CLBA1: variants seen among roughly 807,000 people sequenced by gnomAD.
CLBA1 encodes uncharacterized protein CLBA1.
A neutral mutation model predicts 28.8 loss-of-function variants in CLBA1; 30 were observed. The observed-to-expected ratio is 1.04, with a 90% CI of 0.78 to 1.41. The LOEUF (loss-of-function observed/expected upper bound fraction) is 1.41. Ranked by LOEUF, CLBA1 falls within the 40% of genes most tolerant of loss-of-function variation. The pLI is 0.00. For synonymous variants in CLBA1, 160 were observed against 152.8 expected (o/e 1.05, Z -0.35); for missense variants, 451 against 412.3 (o/e 1.09, Z -0.81).
At chr14:105,001,260 C>T (rs1317199462) in intron 2 of CLBA1, among the ~76,000 whole-genome samples, 2 of 152,140 alleles carry the variant, frequency 1.3e-5, no homozygotes, top group Non-Finnish European at 2.9e-5. Context: ...CTTTGGGAGG[C>T]CAAGGCAAGA....
intron 2 of CLBA1, chr14:104,990,068 G>C (rs2140895973): frequency 5.1e-6 from 1 of 196,268 alleles, no homozygotes; most frequent in East Asian, 1.1e-4. Context: ...CATGATCCCT[G>C]GGGAAAAACT....
downstream of CLBA1, among the ~76,000 whole-genome samples, chr14:104,998,845 C>G (rs555295778): frequency 6.6e-6 from 1 of 152,374 alleles, no homozygotes; most frequent in South Asian, 2.1e-4. Flanking sequence ...GGAGCAGAGC[C>G]AGTGCAAACA....
At chr14:104,993,488 C>A (rs886693597) in intron 4 of CLBA1, 1 of 985,296 alleles carries the variant, frequency 1.0e-6, no homozygotes, top group Admixed American at 6.1e-5. Context: ...AGTCACGGGC[C>A]GCTTACCCTA....
At chr14:104,989,487 C>G in intron 2 of CLBA1, 1 of 427,374 alleles carries the variant, frequency 2.3e-6, no homozygotes, top group East Asian at 7.0e-5. Context: ...TTCTCAGCCA[C>G]AGAGTTCTAG....
At position 104,994,578 on chromosome 14, in the gene CLBA1, C is replaced by T. The variant is rs776247242; in HGVS notation, c.817-20C>T. On this transcript the variant is annotated intron_variant, in intron 4 of 4. Transcript: ENST00000547315. ...CATTGCCCGGGGTGCGCGCGCCTGA[C>T]TGCTGTCCTCTCATCTCAGCTCTCG... is the stretch of plus-strand genomic sequence containing the variant. 7 of 1,594,962 alleles carry T rather than the reference C, an allele frequency of 4.4e-6. No homozygotes were observed. The highest frequency in any genetic ancestry group is 2.2e-5 in the South Asian group (2 of 90,142).
At chr14:104,992,053 C>T (rs1267988968) in intron 3 of CLBA1, among the ~76,000 whole-genome samples, 2 of 146,160 alleles carry the variant, frequency 1.4e-5, no homozygotes, top group African/African-American at 2.5e-5. Flanking sequence ...CACGCCACCA[C>T]GCACACGCCG....
At chr14:104,991,096 C>T (rs1900006872) in intron 2 of CLBA1, 1 of 205,246 alleles carries the variant, frequency 4.9e-6, no homozygotes, top group East Asian at 1.5e-4. Context: ...GCGATCTCCG[C>T]TCCCTGCAAC....
intron 3 of CLBA1, among the ~76,000 whole-genome samples, chr14:104,991,939 A>ACCACGCACACGCCG (rs1316557541): frequency 3.3e-4 from 50 of 150,208 alleles, no homozygotes; most frequent in South Asian, 4.3e-4. Context: ...CGCACATGCC[A>ACCACGCACACGCCG]CCACGCACAC....
intron 3 of CLBA1, among the ~76,000 whole-genome samples, 169 bp downstream of exon 3, chr14:104,991,789 G>A (rs927462600): frequency 3.3e-5 from 5 of 152,154 alleles, no homozygotes; most frequent in East Asian, 1.9e-4. Context: ...GATGACTCCC[G>A]AATGCTTGAG....
At position 104,994,115 on chromosome 14, in the gene CLBA1, T is replaced by C. The variant is rs140818270; in HGVS notation, c.817-483T>C. 3.1e-4 allele frequency: 301 copies of C among 985,214 alleles called. 3 individuals are homozygous for C. In the South Asian group the frequency reaches 6.9e-3, roughly 22 times the overall value. The allele number at this position is 985,214 out of a possible 1,614,324, so 61.0% of individuals were successfully genotyped here. Reference sequence around the variant, plus strand: ...CCGTCTTCACAGGCTGTCCATCTTTTTGAAAAGCACCATAGCACAGGAGGG... The same window carrying C: ...CCGTCTTCACAGGCTGTCCATCTTTCTGAAAAGCACCATAGCACAGGAGGG... On this transcript the variant is annotated intron_variant, in intron 4 of 4. Transcript: ENST00000547315.
chr14:104,989,620 G>A lies in CLBA1; in HGVS notation c.569+532G>A, dbSNP rs1028059134. Reference sequence around the variant, plus strand: ...GTGCACCCGCAGTCACTCGCAGATGGCCATTTTCCAGGGACACACTTTCAA... The same window carrying A: ...GTGCACCCGCAGTCACTCGCAGATGACCATTTTCCAGGGACACACTTTCAA... On this transcript the variant is annotated intron_variant, in intron 2 of 4. Transcript: ENST00000547315. 8.8e-6 allele frequency: 4 copies of A among 456,140 alleles called. No homozygotes were observed. In the East Asian group the frequency reaches 2.8e-4, roughly 32 times the overall value. The allele number at this position is 456,140 out of a possible 1,614,324, so 28.3% of individuals were successfully genotyped here. A position where few individuals can be genotyped will look rare whatever the true frequency, so the allele number is the denominator to read the frequency against.
At chr14:104,988,342 T>C (rs933383508) in intron 1 of CLBA1, among the ~76,000 whole-genome samples, 1 of 151,156 alleles carries the variant, frequency 6.6e-6, no homozygotes, top group Non-Finnish European at 1.5e-5. Context: ...TTTCTTTTTT[T>C]TTTTTTTTGA....
At chr14:104,991,724 G>T in intron 3 of CLBA1, 104 bp downstream of exon 3, 1 of 1,382,970 alleles carries the variant, frequency 7.2e-7, no homozygotes, top group Non-Finnish European at 9.7e-7. Flanking sequence ...GCAGAGGTGT[G>T]GGTTCAGGTG....
downstream of CLBA1, among the ~76,000 whole-genome samples, chr14:104,995,753 C>A (rs1298012647): frequency 6.6e-6 from 1 of 152,246 alleles, no homozygotes; most frequent in Non-Finnish European, 1.5e-5. Flanking sequence ...CTGGCCTCGG[C>A]CACCCAGCTG....
In CLBA1 at chr14:104,993,079, A is replaced by G. The variant is rs1176752611; in HGVS notation, c.816+15A>G. The G allele has an allele frequency of 6.2e-7, 1 of 1,609,602 alleles. No homozygotes were observed. The highest frequency in any genetic ancestry group is 8.5e-7 in the Non-Finnish European group (1 of 1,177,470). On this transcript the variant is annotated intron_variant, in intron 4 of 4. Coordinates refer to ENST00000547315, the MANE Select transcript of CLBA1 (RefSeq NM_174891.4). The stretch of plus-strand genomic sequence containing the variant: ...TCCAGACCAAGGTGAGTGGTCACCA[A>G]GGAGAGGCCTCAGGGAACCGCGCTG...
intron 4 of CLBA1, chr14:104,994,112 T>C (rs1315582239): frequency 1.0e-6 from 1 of 985,088 alleles, no homozygotes. Flanking sequence ...GCTGTCCATC[T>C]TTTTGAAAAG....
In CLBA1 at chr14:104,994,737, T is replaced by C. The variant is rs774411315; in HGVS notation, c.956T>C (p.Leu319Pro). 5.6e-6 allele frequency: 9 copies of C among 1,602,224 alleles called. No individual in the cohort carries two copies. In the South Asian group the frequency reaches 7.8e-5, roughly 14 times the overall value. The change falls in exon 5 of 5, where the codon CTC (leucine) becomes CCC (proline). Residue 319 changes from leucine to proline, a missense_variant. Transcript: ENST00000547315. ...MFTPRKLKLT[L>P]FNSDVC ...ACTCCACGCAAGCTCAAACTGACAC[T>C]CTTTAATAGCGACGTTTGCTAAAAT...
At chr14:104,994,046 C>G in intron 4 of CLBA1, 1 of 984,966 alleles carries the variant, frequency 1.0e-6, no homozygotes, top group Non-Finnish European at 1.2e-6. Flanking sequence ...ACACAGGTGA[C>G]AGGCGACAGG....
chr14:104,994,190 C>T lies in CLBA1; in HGVS notation c.817-408C>T, dbSNP rs2140899575. 5 of 985,414 alleles carry T rather than the reference C, an allele frequency of 5.1e-6. No homozygotes were observed. The African/African-American group carries it at 8.7e-5, about 17-fold the overall frequency. The allele number at this position is 985,414 out of a possible 1,614,324, so 61.0% of individuals were successfully genotyped here. ...GAAATGTTCGTGGCTGTGTTGTTCA[C>T]AGCAGCCGGTGGGGGAGACGTCCAG... On this transcript the variant is annotated intron_variant, in intron 4 of 4. Transcript: ENST00000547315.
Sources: gnomAD v4.1 joint callset for allele counts (sites outside exome capture counted in the v4.1 genomes callset) on GRCh38, gnomAD v4.1.1 for gene constraint, MANE v1.5 for transcripts, NCBI Gene and HGNC (gene_info 2026-07-23, HGNC 2026-07-21) for gene names.